Variants in ATP2C2 observed in about 807,000 individuals in gnomAD.
ATP2C2 encodes the protein ATPase secretory pathway Ca2+ transporting 2.
A neutral mutation model predicts 110.8 loss-of-function variants in ATP2C2; 171 were observed. The ratio of observed to expected loss-of-function variants is 1.54; its 90% CI spans 1.36 to 1.75. The LOEUF (loss-of-function observed/expected upper bound fraction) is 1.75. ATP2C2 is among the 40% of genes most tolerant of loss of function. ATP2C2 has a pLI of 0.00. For missense variants in ATP2C2, 1,963 were observed against 1,235.0 expected (o/e 1.59, Z -8.84); for synonymous variants, 804 against 508.4 (o/e 1.58, Z -7.82).
In ATP2C2 at chr16:84,423,983, T is replaced by C. The variant is rs566219282; in HGVS notation, c.919+720T>C. Among the ~76,000 whole-genome samples, 29 of 152,342 alleles carry C rather than the reference T, an allele frequency of 1.9e-4. 1 individual carries two copies. Among genetic ancestry groups the C allele is most frequent in the East Asian group, 1.2e-3 (6 of 5,194 alleles). On this transcript the variant is annotated intron_variant, in intron 10 of 26. Transcript: ENST00000262429. ...CCTTCTGGGGCTTCTTCCTGTTCTT[T>C]CCATATCTGGCCTTACTTCTGTGTC...
At chr16:84,417,346 T>C (rs1390330163) in intron 7 of ATP2C2, among the ~76,000 whole-genome samples, 1 of 152,148 alleles carries the variant, frequency 6.6e-6, no homozygotes, top group African/African-American at 2.4e-5. Flanking sequence ...CTCTCTGAGC[T>C]TCGATCTCCT....
intron 1 of ATP2C2, 116 bp downstream of exon 1, chr16:84,368,830 C>A (rs1909785358): frequency 1.1e-6 from 1 of 887,028 alleles, no homozygotes; most frequent in Non-Finnish European, 1.7e-6. Context: ...TCGCCCTCCT[C>A]CCCTGGCTCT....
At chr16:84,380,971 G>C (rs888503061) in intron 1 of ATP2C2, among the ~76,000 whole-genome samples, 3 of 152,156 alleles carry the variant, frequency 2.0e-5, no homozygotes, top group Non-Finnish European at 2.9e-5. Flanking sequence ...ATGAGGTCAG[G>C]AGTTTGAGAT....
In ATP2C2 at chr16:84,387,646, C is replaced by A. The variant is rs1205150228; in HGVS notation, c.100-10853C>A. Among the ~76,000 whole-genome samples the A allele has an allele frequency of 3.3e-5, 5 of 152,338 alleles. 1 individual carries two copies. The East Asian group carries it at 9.6e-4, about 29-fold the overall frequency. ...CAAAAGAGAATGAGTGGCAGTTATT[C>A]ATGGAAATGCACCAGTGAAGCTCAC... On this transcript the variant is annotated intron_variant, in intron 1 of 26. Transcript: ENST00000262429.
intron 11 of ATP2C2, among the ~76,000 whole-genome samples, chr16:84,436,483 G>A (rs2150562578): frequency 6.6e-6 from 1 of 152,260 alleles, no homozygotes; most frequent in Admixed American, 6.5e-5. Context: ...GGCTGTGGGT[G>A]GGTTGCAGGT....
At chr16:84,460,618 G>C in intron 23 of ATP2C2, 36 bp from the exon 24 acceptor site, 3 of 1,614,002 alleles carry the variant, frequency 1.9e-6, no homozygotes, top group Non-Finnish European at 2.5e-6. Flanking sequence ...TTCATTCCTG[G>C]TTCATTTCAA....
At position 84,440,932 on chromosome 16, in the gene ATP2C2, A is replaced by T. The variant is rs1303248764; in HGVS notation, c.1285A>T (p.Asn429Tyr). ...CAAGGAAGTCATTAAGGAATTTTCC[A>T]ATGTCTCAGTGGGAAAGTTAGTGGA... ...PSKEVIKEFS[N>Y]VSVGKLVEAG... Residue 429 changes from asparagine to tyrosine, a missense_variant, in exon 14 of 27, where the codon AAT becomes TAT. By Grantham distance (143) the Asn-to-Tyr change is moderately radical. Coordinates refer to ENST00000262429, the MANE Select transcript of ATP2C2 (RefSeq NM_014861.4). 6.2e-7 allele frequency: 1 copy of T among 1,612,886 alleles called. No homozygotes were observed. Among genetic ancestry groups the T allele is most frequent in the Non-Finnish European group, 8.5e-7 (1 of 1,179,742 alleles).
intron 1 of ATP2C2, among the ~76,000 whole-genome samples, chr16:84,382,815 G>A (rs1047893996): frequency 6.7e-6 from 1 of 149,932 alleles, no homozygotes; most frequent in East Asian, 2.0e-4. Context: ...AGAATCGCTT[G>A]AACCCAGGAG....
rs773313970 is a variant in ATP2C2, at chr16:84,410,721, A to C, written c.471A>C (p.Lys157Asn). 1 of 1,614,162 alleles carries C rather than the reference A, an allele frequency of 6.2e-7. No individual in the cohort carries two copies. Among genetic ancestry groups the C allele is most frequent in the South Asian group, 1.1e-5 (1 of 91,080 alleles). Residue 157 changes from lysine to asparagine, a missense_variant, in exon 6 of 27, where the codon AAA (lysine) becomes AAC (asparagine). By Grantham distance (94) the Lys-to-Asn change is moderately conservative. Coordinates refer to ENST00000262429, the MANE Select transcript of ATP2C2 (RefSeq NM_014861.4). ...CCTGCCAGGAGTACAGGTCGGAGAA[A>C]TCTCTGGAAGAGCTGACCAAGCTGG... ...VAFIQEYRSE[K>N]SLEELTKLVP...
At chr16:84,410,854 C>CT in intron 6 of ATP2C2, 89 bp downstream of exon 6, 3 of 1,331,768 alleles carry the variant, frequency 2.3e-6, no homozygotes, top group Non-Finnish European at 3.2e-6. Context: ...AAGTTGTATC[C>CT]TTGGTAGTGT....
intron 14 of ATP2C2, 85 bp downstream of exon 14, chr16:84,441,043 A>G: frequency 8.6e-7 from 1 of 1,169,038 alleles, no homozygotes; most frequent in Non-Finnish European, 1.3e-6. Context: ...ACAGCCATTG[A>G]ACCTACTGGT....
Position 84,383,794 on chromosome 16 carries a change from T to G in ATP2C2, c.100-14705T>G, listed in dbSNP as rs535107525. The stretch of plus-strand genomic sequence containing the variant: ...GGGGTGTTGGTTTTGTTGGTTTTTT[T>G]TTTTTTTTTTTTTTGAGACAGCGTC... On this transcript the variant is annotated intron_variant, in intron 1 of 26. Coordinates refer to ENST00000262429, the MANE Select transcript of ATP2C2 (RefSeq NM_014861.4). Among the ~76,000 whole-genome samples, 844 of 124,368 alleles carry G rather than the reference T, an allele frequency of 6.8e-3. 11 individuals are homozygous for G. The highest frequency in any genetic ancestry group is 0.02 in the African/African-American group (753 of 38,234). 81.6% of individuals were successfully genotyped at this position (124,368 alleles called of 152,430 possible). A position where few individuals can be genotyped will look rare whatever the true frequency, so the allele number is the denominator to read the frequency against.
At chr16:84,432,555 G>T (rs1908376906) in intron 11 of ATP2C2, among the ~76,000 whole-genome samples, 1 of 151,914 alleles carries the variant, frequency 6.6e-6, no homozygotes, top group African/African-American at 2.4e-5. Context: ...ATGGAGTCTT[G>T]CTCTGTCCAG....
rs571704999 is a variant in ATP2C2 at position 84,442,570 on chromosome 16, G to C, written c.1372G>C (p.Glu458Gln). Residue 458 changes from glutamate (E) to glutamine (Q), a missense_variant, in exon 15 of 27, where the codon GAG becomes CAG. Coordinates refer to ENST00000262429, the MANE Select transcript of ATP2C2 (RefSeq NM_014861.4). The part of the protein sequence containing the change: ...RKNAVMGQPT[E>Q]GALMALAMKM... Reference sequence around the variant, plus strand: ...GAACGCCGTGATGGGGCAGCCCACCGAGGGTGCATTGATGGCCCTGGCGAT... The same window carrying C: ...GAACGCCGTGATGGGGCAGCCCACCCAGGGTGCATTGATGGCCCTGGCGAT... 2 of 1,614,082 alleles carry C rather than the reference G, an allele frequency of 1.2e-6. No individual in the cohort carries two copies. Among genetic ancestry groups the C allele is most frequent in the Non-Finnish European group, 1.7e-6 (2 of 1,179,976 alleles).
chr16:84,427,449 G>A (rs1907899161), intron 11 of ATP2C2, among the ~76,000 whole-genome samples: 1 of 152,134 alleles, frequency 6.6e-6, no homozygotes, highest in African/African-American at 2.4e-5. Flanking sequence ...CAGGCGCGGT[G>A]GCTCATACCT....
rs929675237 is a variant in ATP2C2 at position 84,406,683 on chromosome 16, C to T, written c.327+1439C>T. On this transcript the variant is annotated intron_variant, in intron 3 of 26. Coordinates refer to ENST00000262429, the MANE Select transcript of ATP2C2 (RefSeq NM_014861.4). ...GTGGTTCTGGCTAGCCCAGAAGCTT[C>T]CTAAAACTGCAGGGCTGAGAAGAGG... 1.1e-5 allele frequency: 11 copies of T among 979,066 alleles called. 2 individuals are homozygous for T. The highest frequency in any genetic ancestry group is 1.3e-5 in the Non-Finnish European group (11 of 824,272). 60.6% of individuals were successfully genotyped at this position (979,066 alleles called of 1,614,324 possible). A position where few individuals can be genotyped will look rare whatever the true frequency, so the allele number is the denominator to read the frequency against.
chr16:84,447,242 G>C (rs1046959778), intron 16 of ATP2C2, among the ~76,000 whole-genome samples: 1 of 152,154 alleles, frequency 6.6e-6, no homozygotes, highest in African/African-American at 2.4e-5. Flanking sequence ...GCTCATGCCA[G>C]GCCCTTCCTG....
intron 17 of ATP2C2, 115 bp from the exon 18 acceptor site, chr16:84,451,806 C>A: frequency 9.0e-7 from 1 of 1,115,920 alleles, no homozygotes; most frequent in East Asian, 2.4e-5. Context: ...CCACTGCACT[C>A]CAACCTGGGC....
At chr16:84,447,040 C>T (rs750372978) in intron 16 of ATP2C2, among the ~76,000 whole-genome samples, 3 of 152,170 alleles carry the variant, frequency 2.0e-5, no homozygotes, top group Non-Finnish European at 4.4e-5. Context: ...GACATTACAG[C>T]TGATTTTTAA....
Sources: gnomAD v4.1 joint callset for allele counts (sites outside exome capture counted in the v4.1 genomes callset) on GRCh38, gnomAD v4.1.1 for gene constraint, MANE v1.5 for transcripts, NCBI Gene and HGNC (gene_info 2026-07-23, HGNC 2026-07-21) for gene names.